AGPAT4: variants seen among roughly 807,000 people sequenced by gnomAD.
The protein encoded by AGPAT4 is 1-acyl-sn-glycerol-3-phosphate acyltransferase delta.
In AGPAT4, 15 loss-of-function variants were observed where a neutral mutation model predicts 48.0. That is an observed-to-expected ratio of 0.31 (90% CI 0.21 to 0.48). The LOEUF (loss-of-function observed/expected upper bound fraction) is 0.48, where lower values mean the gene tolerates loss of function less well. Ranked by LOEUF, AGPAT4 falls within the 20% of genes least tolerant of loss-of-function variation. The probability of loss-of-function intolerance (pLI) is 0.99; values close to 1 mark genes in which losing one functional copy is unlikely to be tolerated. For synonymous variants in AGPAT4, 178 were observed against 198.7 expected (o/e 0.90, Z 0.88); for missense variants, 314 against 482.5 (o/e 0.65, Z 3.27).
rs907539192 is a variant in AGPAT4, at chr6:161,132,811, T to C, written c.*3729A>G. ...CCACAGGACCTTGGAGAGTTGCATT[T>C]TGGGGGGCTCTCCTAGAAGCTCTGG... On this transcript the variant is annotated 3_prime_UTR_variant, in exon 9 of 9. Transcript: ENST00000320285. 2 of 152,162 alleles carry C rather than the reference T, an allele frequency of 1.3e-5. No individual in the cohort carries two copies. Among genetic ancestry groups the C allele is most frequent in the Non-Finnish European group, 2.9e-5 (2 of 68,054 alleles). The allele number at this position is 152,162 out of a possible 1,614,324, so 9.4% of individuals were successfully genotyped here. A position where few individuals can be genotyped will look rare whatever the true frequency, so the allele number is the denominator to read the frequency against.
chr6:161,246,414 CT>C lies in AGPAT4; in HGVS notation c.-89-14113del, dbSNP rs11433098. 0.017 allele frequency among the ~76,000 whole-genome samples: 2,520 copies of C among 145,686 alleles called. 45 individuals carry two copies. The highest frequency in any genetic ancestry group is 0.041 in the African/African-American group (1,636 of 39,768). On this transcript the variant is annotated intron_variant, in intron 1 of 8. Coordinates refer to ENST00000320285, the MANE Select transcript of AGPAT4 (RefSeq NM_020133.3). The surrounding 1 kb of genome is among the most constrained non-coding windows in gnomAD (Gnocchi z 5.5). Reference sequence around the variant, plus strand: ...CTTCTGAGCATAGGCACAGGGGATTCTTTTTTTTTTTTGAGACAGAGTTTCA... The same window carrying C: ...CTTCTGAGCATAGGCACAGGGGATTCTTTTTTTTTTTGAGACAGAGTTTCA...
intron 5 of AGPAT4, among the ~76,000 whole-genome samples, chr6:161,152,210 G>C (rs909032554): frequency 2.6e-5 from 4 of 152,220 alleles, no homozygotes; most frequent in East Asian, 1.9e-4. Context: ...TGGTGACCAG[G>C]AGAAGAGGGA....
intron 2 of AGPAT4, among the ~76,000 whole-genome samples, chr6:161,186,949 C>A (rs1485766397): frequency 6.6e-6 from 1 of 152,214 alleles, no homozygotes; most frequent in Non-Finnish European, 1.5e-5. Flanking sequence ...TAGGAGTAGT[C>A]TCTCTCTTCA....
At chr6:161,191,636 G>T (rs1252661943) in intron 2 of AGPAT4, among the ~76,000 whole-genome samples, 1 of 152,314 alleles carries the variant, frequency 6.6e-6, no homozygotes, top group East Asian at 1.9e-4. Flanking sequence ...TGAAGATGTT[G>T]ATTAATTAGA....
rs573292062 is a variant in AGPAT4, at chr6:161,201,316, G to C, written c.178+30720C>G. ...ATTAATGAGCTCTACAGTCCCAAGA[G>C]AGAGGTTAAAGTACCAGAAGAAAAG... On this transcript the variant is annotated intron_variant, in intron 2 of 8. Transcript: ENST00000320285. This position sits in a 1 kb window ranked among gnomAD's most constrained non-coding sequence, Gnocchi z 6.0. Among the ~76,000 whole-genome samples the C allele has an allele frequency of 1.9e-4, 29 of 152,318 alleles. No homozygotes were observed. Among genetic ancestry groups the C allele is most frequent in the Admixed American group, 1.3e-3 (20 of 15,310 alleles).
chr6:161,258,011 C>T (rs1207074861), intron 1 of AGPAT4, among the ~76,000 whole-genome samples: 1 of 152,216 alleles, frequency 6.6e-6, no homozygotes, highest in East Asian at 1.9e-4. Flanking sequence ...TTGGCGCACA[C>T]ATCCTGGCTC....
intron 2 of AGPAT4, among the ~76,000 whole-genome samples, chr6:161,190,303 T>TGA (rs949091819): frequency 2.6e-5 from 4 of 151,854 alleles, no homozygotes; most frequent in Non-Finnish European, 4.4e-5. Flanking sequence ...AGTGAGCAAG[T>TGA]GAGAGAGAGA....
At position 161,177,540 on chromosome 6, in the gene AGPAT4, C is replaced by A. The variant is rs971496998; in HGVS notation, c.179-11123G>T. On this transcript the variant is annotated intron_variant, in intron 2 of 8. Transcript: ENST00000320285. The surrounding 1 kb of genome is among the most constrained non-coding windows in gnomAD (Gnocchi z 5.0). ...ACGCTGTTTATTCTAGTTAGCCATT[C>A]ATCTAATCTTTTTTTTCAAGGTTTT... Among the ~76,000 whole-genome samples, 1 of 152,114 alleles carries A rather than the reference C, an allele frequency of 6.6e-6. No homozygotes were observed. Among genetic ancestry groups the A allele is most frequent in the Admixed American group, 6.5e-5 (1 of 15,278 alleles).
chr6:161,232,380 A>T lies in AGPAT4; in HGVS notation c.-89-78T>A. The T allele has an allele frequency of 1.6e-6, 1 of 628,152 alleles. No homozygotes were observed. The allele number at this position is 628,152 out of a possible 1,614,324, so 38.9% of individuals were successfully genotyped here. On this transcript the variant is annotated intron_variant, in intron 1 of 8. Transcript: ENST00000320285. This position sits in a 1 kb window ranked among gnomAD's most constrained non-coding sequence, Gnocchi z 6.8. ...GTCAGAAAAAAAGTGCTCTGAAAAG[A>T]AAAATATACACTTGAGGTTAAACTC... is the stretch of plus-strand genomic sequence containing the variant.
chr6:161,158,629 T>G lies in AGPAT4; in HGVS notation c.349-4319A>C, dbSNP rs1392955286. On this transcript the variant is annotated intron_variant, in intron 3 of 8. Coordinates refer to ENST00000320285, the MANE Select transcript of AGPAT4 (RefSeq NM_020133.3). The surrounding 1 kb of genome is among the most constrained non-coding windows in gnomAD (Gnocchi z 5.3). ...CATCTCTGGCAAGTGGGCCAGCCCT[T>G]GCAGAGACCCTGGACGTTGGGAAGA... Among the ~76,000 whole-genome samples the G allele has an allele frequency of 6.6e-6, 1 of 152,154 alleles. No individual in the cohort carries two copies.
In AGPAT4 at chr6:161,166,994, TG is replaced by T. The variant is rs1185018592; in HGVS notation, c.179-578del. Among the ~76,000 whole-genome samples, 1 of 152,090 alleles carries T rather than the reference TG, an allele frequency of 6.6e-6. No homozygotes were observed. The highest frequency in any genetic ancestry group is 1.9e-4 in the East Asian group (1 of 5,160). On this transcript the variant is annotated intron_variant, in intron 2 of 8. Coordinates refer to ENST00000320285, the MANE Select transcript of AGPAT4 (RefSeq NM_020133.3). The surrounding 1 kb of genome is among the most constrained non-coding windows in gnomAD (Gnocchi z 6.7). ...TATTGAAATAGTCTTTGTAGGGGCT[TG>T]TGAAAAGAAAAAGATTCTTTCTTCA...
chr6:161,185,636 C>A (rs903802745), intron 2 of AGPAT4, among the ~76,000 whole-genome samples: 2 of 152,146 alleles, frequency 1.3e-5, no homozygotes, highest in Non-Finnish European at 2.9e-5. Flanking sequence ...ATGCTATTCT[C>A]TCTACTCTTA....
chr6:161,261,216 C>A lies in AGPAT4; in HGVS notation c.-90+12722G>T, dbSNP rs935105735. The stretch of plus-strand genomic sequence containing the variant: ...CTTTCCCTGTTTCTCATGGCCCCTT[C>A]TCTATTAGCCATGAAGCTCACTGTC... On this transcript the variant is annotated intron_variant, in intron 1 of 8. Coordinates refer to ENST00000320285, the MANE Select transcript of AGPAT4 (RefSeq NM_020133.3). The surrounding 1 kb of genome is among the most constrained non-coding windows in gnomAD (Gnocchi z 5.3). 3.5e-4 allele frequency among the ~76,000 whole-genome samples: 54 copies of A among 152,196 alleles called. No homozygotes were observed. Among genetic ancestry groups the A allele is most frequent in the African/African-American group, 1.3e-3 (52 of 41,468 alleles).
rs1779107739 is a variant in AGPAT4, at chr6:161,137,595, CAGAA to C, written c.1043-965_1043-962del. ...CAGTGAGAGTGGAGTTATTGTAGAGCAGAAAGAAGTGAGTAAAACGTGGACCGTG... is the reference window on the plus strand; with the variant it reads ...CAGTGAGAGTGGAGTTATTGTAGAGCAGAAGTGAGTAAAACGTGGACCGTG... On this transcript the variant is annotated intron_variant, in intron 8 of 8. Transcript: ENST00000320285. This position sits in a 1 kb window ranked among gnomAD's most constrained non-coding sequence, Gnocchi z 6.1. 6.6e-6 allele frequency among the ~76,000 whole-genome samples: 1 copy of C among 152,124 alleles called. No individual in the cohort carries two copies. Among genetic ancestry groups the C allele is most frequent in the Non-Finnish European group, 1.5e-5 (1 of 68,030 alleles).
Position 161,135,575 on chromosome 6 carries a change from T to C in AGPAT4, c.*965A>G, listed in dbSNP as rs1018497466. On this transcript the variant is annotated 3_prime_UTR_variant, in exon 9 of 9. Transcript: ENST00000320285. The stretch of plus-strand genomic sequence containing the variant: ...GAGCAGGACCTGGCTCCTTTAGGGC[T>C]GCAGACAAGCTCTACATGCTGGGAA... The C allele has an allele frequency of 6.6e-6, 1 of 152,202 alleles. No individual in the cohort carries two copies. The highest frequency in any genetic ancestry group is 2.4e-5 in the African/African-American group (1 of 41,440). The allele number at this position is 152,202 out of a possible 1,614,324, so 9.4% of individuals were successfully genotyped here. A position where few individuals can be genotyped will look rare whatever the true frequency, so the allele number is the denominator to read the frequency against.
rs1428945519 is a variant in AGPAT4, at chr6:161,154,087, G to C, written c.510+62C>G. 1.2e-6 allele frequency: 2 copies of C among 1,608,188 alleles called. No homozygotes were observed. The highest frequency in any genetic ancestry group is 2.2e-5 in the East Asian group (1 of 44,824). On this transcript the variant is annotated intron_variant, in intron 4 of 8. Transcript: ENST00000320285. The surrounding 1 kb of genome is among the most constrained non-coding windows in gnomAD (Gnocchi z 7.8). ...CACGTGTCCTGTGGAAGTCACATGG[G>C]GGTCCCACGGTCACAGTCCTGCAGG...
chr6:161,133,912 A>C lies in AGPAT4; in HGVS notation c.*2628T>G, dbSNP rs995083047. 8 of 152,212 alleles carry C rather than the reference A, an allele frequency of 5.3e-5. No individual in the cohort carries two copies. The highest frequency in any genetic ancestry group is 8.8e-5 in the Non-Finnish European group (6 of 68,060). The allele number at this position is 152,212 out of a possible 1,614,324, so 9.4% of individuals were successfully genotyped here. A position where few individuals can be genotyped will look rare whatever the true frequency, so the allele number is the denominator to read the frequency against. The stretch of plus-strand genomic sequence containing the variant: ...TGGGTTTTCAACTCGTAGAAAAAAT[A>C]ACCCTGGGAACCAAAGCAGTTGTTG... On this transcript the variant is annotated 3_prime_UTR_variant, in exon 9 of 9. Coordinates refer to ENST00000320285, the MANE Select transcript of AGPAT4 (RefSeq NM_020133.3).
At position 161,225,707 on chromosome 6, in the gene AGPAT4, T is replaced by A. The variant is rs1781960029; in HGVS notation, c.178+6329A>T. 6.6e-6 allele frequency among the ~76,000 whole-genome samples: 1 copy of A among 152,148 alleles called. No individual in the cohort carries two copies. Among genetic ancestry groups the A allele is most frequent in the South Asian group, 2.1e-4 (1 of 4,824 alleles). The stretch of plus-strand genomic sequence containing the variant: ...GGTGAAGTCAGGCAGTGTTTGCTTG[T>A]TTCAGCTGTGCAGCGTGGACACACT... On this transcript the variant is annotated intron_variant, in intron 2 of 8. Coordinates refer to ENST00000320285, the MANE Select transcript of AGPAT4 (RefSeq NM_020133.3). The surrounding 1 kb of genome is among the most constrained non-coding windows in gnomAD (Gnocchi z 5.0).
rs747851029 is a variant in AGPAT4, at chr6:161,148,701, A to G, written c.767+486T>C. 5.1e-4 allele frequency among the ~76,000 whole-genome samples: 77 copies of G among 152,350 alleles called. No homozygotes were observed. The highest frequency in any genetic ancestry group is 3.4e-3 in the Middle Eastern group (1 of 294). On this transcript the variant is annotated intron_variant, in intron 6 of 8. Transcript: ENST00000320285. The surrounding 1 kb of genome is among the most constrained non-coding windows in gnomAD (Gnocchi z 5.5). ...ATTCTGGAGGTGTTCAGCCCATTCT[A>G]TAAGCAGGCAGAGAGAACTAGTTTG...
Sources: allele counts gnomAD v4.1 joint callset (sites outside exome capture counted in the v4.1 genomes callset), GRCh38; gene constraint gnomAD v4.1.1; non-coding constraint Gnocchi (gnomAD v3.1); transcripts MANE v1.5; gene names NCBI Gene and HGNC (gene_info 2026-07-23, HGNC 2026-07-21).